PAGE2B: variants seen among roughly 807,000 people sequenced by gnomAD.
PAGE2B encodes the protein PAGE family member 2B.
Under a neutral mutation model 7.6 loss-of-function variants are expected in PAGE2B, and 5 were observed. The ratio of observed to expected loss-of-function variants is 0.66; its 90% CI spans 0.34 to 1.38. The LOEUF (loss-of-function observed/expected upper bound fraction) is 1.38. Among genes scored for constraint, PAGE2B ranks in the 40% most tolerant of loss-of-function variants. The probability of loss-of-function intolerance (pLI) is 0.04; values close to 1 mark genes in which losing one functional copy is unlikely to be tolerated. For missense variants in PAGE2B, 70 were observed against 78.4 expected (o/e 0.89, Z 0.41); for synonymous variants, 29 against 26.7 (o/e 1.09, Z -0.27).
the PAGE2B span, among the ~76,000 whole-genome samples, chrX:55,053,321 G>A: frequency 9.0e-6 from 1 of 111,643 alleles, no homozygotes; most frequent in African/African-American, 3.3e-5. Flanking sequence ...ACTGAACAAT[G>A]AGAACACATG....
At chrX:55,056,862 A>T in the PAGE2B span, among the ~76,000 whole-genome samples, 1 of 111,462 alleles carries the variant, frequency 9.0e-6, no homozygotes, top group Non-Finnish European at 1.9e-5. Flanking sequence ...GCCTATGATT[A>T]ATAATAAAAC....
At chrX:55,045,217 C>A in the PAGE2B span, 1 of 111,837 alleles carries the variant, frequency 8.9e-6, no homozygotes, top group Non-Finnish European at 1.9e-5. Context: ...AATTTCTACT[C>A]CAGACTCTCT....
chrX:55,056,962 C>T, the PAGE2B span, among the ~76,000 whole-genome samples: 1 of 111,510 alleles, frequency 9.0e-6, no homozygotes, highest in African/African-American at 3.3e-5. Flanking sequence ...GATCTCTTGT[C>T]AAGATAACCT....
chrX:55,065,369 T>G, the PAGE2B span, among the ~76,000 whole-genome samples: 1 of 111,839 alleles, frequency 8.9e-6, no homozygotes, highest in Admixed American at 9.6e-5. Flanking sequence ...AGATAGCTAC[T>G]CCTGCTCTTT....
the PAGE2B span, among the ~76,000 whole-genome samples, chrX:55,054,217 C>CAAA: frequency 6.8e-4 from 73 of 107,490 alleles, no homozygotes; most frequent in East Asian, 0.014. Flanking sequence ...TTAAAAAAAA[C>CAAA]AAAAAAAAAC....
chrX:55,050,736 C>G, the PAGE2B span, among the ~76,000 whole-genome samples: 3 of 111,630 alleles, frequency 2.7e-5, no homozygotes, highest in Non-Finnish European at 5.6e-5. Flanking sequence ...GAATATAGCA[C>G]ACTGACAGGT....
chrX:55,055,357 G>GA, the PAGE2B span: 3,065 of 75,163 alleles, frequency 0.041, 149 homozygotes, highest in African/African-American at 0.13. Context: ...CTCCGTCTCA[G>GA]AAAAAAAAAA....
At chrX:55,073,620 T>G (rs757498541), upstream of PAGE2B, among the ~76,000 whole-genome samples, 1 of 112,239 alleles carries the variant, frequency 8.9e-6, no homozygotes, top group African/African-American at 3.2e-5. Context: ...TAAATTTCCC[T>G]GGTCAGTTTG....
At chrX:55,044,474 A>T in the PAGE2B span, among the ~76,000 whole-genome samples, 4 of 111,367 alleles carry the variant, frequency 3.6e-5, no homozygotes, top group Non-Finnish European at 7.5e-5. Flanking sequence ...GGATGGGGTG[A>T]GGGATAAAAG....
chrX:55,041,013 C>T, the PAGE2B span, among the ~76,000 whole-genome samples: 3 of 109,496 alleles, frequency 2.7e-5, no homozygotes, highest in Non-Finnish European at 5.7e-5. Flanking sequence ...AGACTGGCAG[C>T]ATCTCTGGTA....
upstream of PAGE2B, chrX:55,075,010 G>C (rs933994173): frequency 8.7e-6 from 1 of 114,758 alleles, no homozygotes; most frequent in African/African-American, 3.2e-5. Flanking sequence ...CTGTTGTTGC[G>C]CATGCGCCTT....
At chrX:55,034,226 G>A in the PAGE2B span, among the ~76,000 whole-genome samples, 21 of 111,642 alleles carry the variant, frequency 1.9e-4, no homozygotes, top group Non-Finnish European at 3.0e-4. Context: ...TGTCCCAGAC[G>A]TGCTGTGGTT....
At chrX:55,073,619 CT>C (rs1443789905), upstream of PAGE2B, among the ~76,000 whole-genome samples, 1 of 111,957 alleles carries the variant, frequency 8.9e-6, no homozygotes, top group African/African-American at 3.2e-5. Flanking sequence ...ATAAATTTCC[CT>C]GGTCAGTTTG....
At chrX:55,034,273 T>A in the PAGE2B span, among the ~76,000 whole-genome samples, 482 of 112,256 alleles carry the variant, frequency 4.3e-3, 5 homozygotes, top group African/African-American at 0.015. Context: ...GTTTCCATTT[T>A]AATTTAAATA....
the PAGE2B span, among the ~76,000 whole-genome samples, chrX:55,034,693 T>C: frequency 1.8e-5 from 2 of 109,424 alleles, 1 homozygote; most frequent in South Asian, 7.9e-4. Flanking sequence ...AAGGTCCTGG[T>C]ATATTAGTCA....
the PAGE2B span, among the ~76,000 whole-genome samples, chrX:55,035,709 T>A: frequency 8.9e-6 from 1 of 112,228 alleles, no homozygotes; most frequent in Admixed American, 9.5e-5. Context: ...TGGGAGGTTA[T>A]TTCACCTGTC....
At chrX:55,077,212 G>T (rs778083615) in intron 3 of PAGE2B, among the ~76,000 whole-genome samples, 187 bp from the exon 4 acceptor site, 1 of 111,781 alleles carries the variant, frequency 8.9e-6, no homozygotes, top group Non-Finnish European at 1.9e-5. Context: ...AGTTGTCTAG[G>T]GCCAGCCTTG....
the PAGE2B span, among the ~76,000 whole-genome samples, chrX:55,034,375 C>T: frequency 8.9e-6 from 1 of 111,747 alleles, no homozygotes; most frequent in Non-Finnish European, 1.9e-5. Flanking sequence ...TGTTCTTAGA[C>T]AGCTTTTCCA....
At chrX:55,033,014 T>C in the PAGE2B span, among the ~76,000 whole-genome samples, 3 of 111,210 alleles carry the variant, frequency 2.7e-5, no homozygotes, top group Non-Finnish European at 5.7e-5. Context: ...TTCCCTCTTC[T>C]GGGCCCCCAC....
Sources: allele counts gnomAD v4.1 joint callset (sites outside exome capture counted in the v4.1 genomes callset), GRCh38; gene constraint gnomAD v4.1.1; transcripts MANE v1.5; gene names NCBI Gene and HGNC (gene_info 2026-07-23, HGNC 2026-07-21).